CNNM2: variants seen among roughly 807,000 people sequenced by gnomAD.
CNNM2 encodes metal transporter CNNM2.
CNNM2 carries 12 observed loss-of-function variants against 66.9 expected under a neutral mutation model. The ratio of observed to expected loss-of-function variants is 0.18; its 90% CI spans 0.11 to 0.29. The LOEUF is 0.29. CNNM2 is among the 10% of genes least tolerant of loss of function. The pLI, the probability that CNNM2 is intolerant of heterozygous loss-of-function variation, is 1.00. For missense variants in CNNM2, 705 were observed against 1,167.7 expected, an observed-to-expected ratio of 0.60 and a Z score of 5.77; for synonymous variants, 557 against 501.8, an observed-to-expected ratio of 1.11 and a Z score of -1.47.
At chr10:103,038,198 G>A (rs895857349) in intron 1 of CNNM2, among the ~76,000 whole-genome samples, 2 of 152,058 alleles carry the variant, frequency 1.3e-5, no homozygotes, top group African/African-American at 4.8e-5. Context: ...GTCCTTGAGG[G>A]TAACCATACC....
At chr10:102,988,088 C>T (rs2063829159) in intron 1 of CNNM2, among the ~76,000 whole-genome samples, 1 of 152,028 alleles carries the variant, frequency 6.6e-6, no homozygotes, top group South Asian at 2.1e-4. Context: ...CACCTGAGGT[C>T]AGGAGTTTGA....
At chr10:102,980,239 A>G (rs1311182232) in intron 1 of CNNM2, among the ~76,000 whole-genome samples, 1 of 151,890 alleles carries the variant, frequency 6.6e-6, no homozygotes, top group Non-Finnish European at 1.5e-5. Flanking sequence ...CACTGCGTCC[A>G]GCCTCATCTC....
chr10:102,977,491 A>G (rs2063653392), intron 1 of CNNM2, among the ~76,000 whole-genome samples: 1 of 152,200 alleles, frequency 6.6e-6, no homozygotes, highest in African/African-American at 2.4e-5. Context: ...ACATACTCTA[A>G]GGATCCTTAA....
chr10:102,933,057 G>C (rs962289829), intron 1 of CNNM2, among the ~76,000 whole-genome samples: 1 of 151,984 alleles, frequency 6.6e-6, no homozygotes, highest in Non-Finnish European at 1.5e-5. Context: ...TTTGAAATTA[G>C]AAAGTTTGAA....
intron 1 of CNNM2, among the ~76,000 whole-genome samples, chr10:102,957,304 T>C (rs973489021): frequency 6.6e-6 from 1 of 152,120 alleles, no homozygotes; most frequent in African/African-American, 2.4e-5. Context: ...AGACTCCGTC[T>C]CAAAAAAATA....
Position 102,919,506 on chromosome 10 carries a change from C to T in CNNM2, c.1026C>T (p.Leu342=), listed in dbSNP as rs370523645. Residue 342 remains leucine, a synonymous_variant, in exon 1 of 8, where the codon CTC becomes CTT. Transcript: ENST00000369878. Reference sequence around the variant, plus strand: ...TCGACGACATCGCCGGCTCGGGCCTCGTGGCCGTGGTAGTCTCCACCATCG... The same window carrying T: ...TCGACGACATCGCCGGCTCGGGCCTTGTGGCCGTGGTAGTCTCCACCATCG... ...ILLDDIAGSG[L]VAVVVSTIGI... 1.2e-6 allele frequency: 2 copies of T among 1,612,734 alleles called. No homozygotes were observed. Among genetic ancestry groups the T allele is most frequent in the African/African-American group, 1.3e-5 (1 of 74,942 alleles).
At chr10:103,014,185 A>T (rs781254998) in intron 1 of CNNM2, among the ~76,000 whole-genome samples, 4 of 152,210 alleles carry the variant, frequency 2.6e-5, no homozygotes, top group Non-Finnish European at 5.9e-5. Flanking sequence ...GGCAATATTA[A>T]TTGCATGCCT....
At position 103,051,913 on chromosome 10, in the gene CNNM2, G is replaced by A. The variant is rs186138210; in HGVS notation, c.1765+2063G>A. Among the ~76,000 whole-genome samples the A allele has an allele frequency of 5.5e-4, 83 of 152,240 alleles. 1 individual carries two copies. In the South Asian group the frequency reaches 7.3e-3, roughly 13 times the overall value. On this transcript the variant is annotated intron_variant, in intron 2 of 7. Coordinates refer to ENST00000369878, the MANE Select transcript of CNNM2 (RefSeq NM_017649.5). ...TTATCCTTTCCTCACTTGGAGGGTC[G>A]TCAGAGGTCTCAGAGAATATTATTT...
In CNNM2 at chr10:103,038,584, C is replaced by G. The variant is rs184476222; in HGVS notation, c.1622-11123C>G. Among the ~76,000 whole-genome samples, 32 of 152,274 alleles carry G rather than the reference C, an allele frequency of 2.1e-4. No homozygotes were observed. The East Asian group carries it at 6.2e-3, about 29-fold the overall frequency. ...GGAGAGGGCCCTGTATCAAATAAAC[C>G]TCTACCCTCACCAAAAAATGTTAGA... On this transcript the variant is annotated intron_variant, in intron 1 of 7. Transcript: ENST00000369878.
intron 1 of CNNM2, among the ~76,000 whole-genome samples, chr10:102,987,224 G>A (rs995295654): frequency 2.0e-5 from 3 of 152,102 alleles, no homozygotes; most frequent in Admixed American, 6.6e-5. Flanking sequence ...ATTCTAAAGC[G>A]GTAGTCCTCA....
chr10:102,929,324 A>C, intron 1 of CNNM2, among the ~76,000 whole-genome samples: 1 of 152,078 alleles, frequency 6.6e-6, no homozygotes, highest in Non-Finnish European at 1.5e-5. Flanking sequence ...CCAGCACTTT[A>C]GGAAGCTTTT....
At chr10:102,989,741 G>T (rs2063863328) in intron 1 of CNNM2, among the ~76,000 whole-genome samples, 1 of 151,922 alleles carries the variant, frequency 6.6e-6, no homozygotes, top group Non-Finnish European at 1.5e-5. Context: ...GACGGAGGTT[G>T]CAGTGAGCTG....
intron 1 of CNNM2, among the ~76,000 whole-genome samples, chr10:103,042,302 C>G (rs2065055625): frequency 6.6e-6 from 1 of 152,202 alleles, no homozygotes; most frequent in African/African-American, 2.4e-5. Flanking sequence ...GCTTGGCTTA[C>G]TGGTAACTTC....
rs7921996 is a variant in CNNM2 at position 103,083,561 on chromosome 10, A to G, written c.*6381A>G. 1.7e-4 allele frequency: 26 copies of G among 152,208 alleles called. No homozygotes were observed. Among genetic ancestry groups the G allele is most frequent in the African/African-American group, 6.3e-4 (26 of 41,446 alleles). The allele number at this position is 152,208 out of a possible 1,614,324, so 9.4% of individuals were successfully genotyped here. ...GAAGAGCATCTTCTTTGGACAGTGT[A>G]AAGTCTTAAGAGAAGTGGGTACTAG... On this transcript the variant is annotated 3_prime_UTR_variant, in exon 8 of 8. Coordinates refer to ENST00000369878, the MANE Select transcript of CNNM2 (RefSeq NM_017649.5).
At chr10:103,044,228 G>A (rs945236924) in intron 1 of CNNM2, among the ~76,000 whole-genome samples, 2 of 151,112 alleles carry the variant, frequency 1.3e-5, no homozygotes, top group Admixed American at 1.3e-4. Context: ...TCTGCTTTCA[G>A]TCCTGACTTA....
chr10:103,018,780 C>G (rs200396460), intron 1 of CNNM2, among the ~76,000 whole-genome samples: 1 of 148,960 alleles, frequency 6.7e-6, no homozygotes, highest in Non-Finnish European at 1.5e-5. Context: ...TCCCTCAGCC[C>G]CCCGAGTAGC....
At chr10:102,981,768 G>A (rs1374323462) in intron 1 of CNNM2, among the ~76,000 whole-genome samples, 1 of 151,584 alleles carries the variant, frequency 6.6e-6, no homozygotes, top group Admixed American at 6.6e-5. Context: ...ATCACTGAGA[G>A]ACCTCAGTTG....
chr10:102,945,468 A>G (rs1348479153), intron 1 of CNNM2, among the ~76,000 whole-genome samples: 1 of 152,146 alleles, frequency 6.6e-6, no homozygotes, highest in African/African-American at 2.4e-5. Flanking sequence ...GAAAGCATAT[A>G]TTATGTTTTC....
chr10:103,034,302 GGTCT>G (rs1392601668), intron 1 of CNNM2, among the ~76,000 whole-genome samples: 4 of 150,028 alleles, frequency 2.7e-5, no homozygotes, highest in Non-Finnish European at 5.9e-5. Context: ...AAGGGGTTAA[GGTCT>G]GTCTTTCTTG....
Sources: allele counts gnomAD v4.1 joint callset (sites outside exome capture counted in the v4.1 genomes callset), GRCh38; gene constraint gnomAD v4.1.1; transcripts MANE v1.5; gene names NCBI Gene and HGNC (gene_info 2026-07-23, HGNC 2026-07-21).